The following FGF13 variants were observed in gnomAD, a reference collection of about 807,000 sequenced individuals.
FGF13 encodes fibroblast growth factor 13.
A neutral mutation model predicts 19.5 loss-of-function variants in FGF13; 2 were observed. The observed-to-expected ratio is 0.10, with a 90% confidence interval of 0.04 to 0.32. The LOEUF (loss-of-function observed/expected upper bound fraction) is 0.32, where lower values mean the gene tolerates loss of function less well. Ranked by LOEUF, FGF13 falls within the 10% of genes least tolerant of loss-of-function variation. FGF13 has a pLI of 1.00. For missense variants in FGF13, 113 were observed against 192.7 expected, an observed-to-expected ratio of 0.59 and a Z score of 2.45; for synonymous variants, 72 against 76.9, an observed-to-expected ratio of 0.94 and a Z score of 0.33.
At chrX:138,723,964 A>G (rs1279896764) in intron 1 of FGF13, among the ~76,000 whole-genome samples, 2 of 111,575 alleles carry the variant, frequency 1.8e-5, no homozygotes, top group Non-Finnish European at 3.8e-5. Context: ...AGGTAAGAAA[A>G]TTAAGGCCCA....
At chrX:139,079,147 T>A (rs1190349501) in intron 1 of FGF13, among the ~76,000 whole-genome samples, 1 of 111,612 alleles carries the variant, frequency 9.0e-6, no homozygotes, top group Non-Finnish European at 1.9e-5. Context: ...TTTATGTTGA[T>A]GAAATAGGCC....
intron 1 of FGF13, among the ~76,000 whole-genome samples, chrX:139,155,865 G>C (rs1175288162): frequency 8.9e-6 from 1 of 112,051 alleles, no homozygotes; most frequent in African/African-American, 3.3e-5. Context: ...TCTGGAACTT[G>C]TCCTCCCCAC....
intron 1 of FGF13, among the ~76,000 whole-genome samples, chrX:138,927,833 T>C (rs921552295): frequency 8.9e-6 from 1 of 111,897 alleles, no homozygotes; most frequent in Non-Finnish European, 1.9e-5. Context: ...GGGGTCTATA[T>C]AAATTGGAAC....
chrX:138,806,069 T>C (rs1381376972), intron 3 of FGF13, among the ~76,000 whole-genome samples: 1 of 112,059 alleles, frequency 8.9e-6, no homozygotes, highest in Non-Finnish European at 1.9e-5. Context: ...CCTTATATAA[T>C]AACATAGTTT....
intron 1 of FGF13, among the ~76,000 whole-genome samples, chrX:138,961,393 T>C (rs1474169100): frequency 1.8e-5 from 2 of 111,084 alleles, no homozygotes; most frequent in Admixed American, 1.9e-4. Context: ...GGTAGCTTTG[T>C]CTCTGAGGGG....
At chrX:139,035,605 G>A (rs1422711706) in intron 1 of FGF13, among the ~76,000 whole-genome samples, 1 of 111,456 alleles carries the variant, frequency 9.0e-6, no homozygotes, top group African/African-American at 3.3e-5. Flanking sequence ...CTTCTAAAGT[G>A]TATTTGGGAC....
At chrX:139,003,550 C>T (rs1046381159) in intron 1 of FGF13, among the ~76,000 whole-genome samples, 6 of 111,297 alleles carry the variant, frequency 5.4e-5, no homozygotes, top group Admixed American at 9.5e-5. Context: ...TTTAACAGGG[C>T]GCTGATTGGT....
chrX:138,821,550 T>A (rs1368263378), intron 3 of FGF13, among the ~76,000 whole-genome samples: 2 of 112,089 alleles, frequency 1.8e-5, no homozygotes, highest in African/African-American at 6.5e-5. Flanking sequence ...GAAGACTTCG[T>A]ATTTAGAAAG....
chrX:138,770,009 A>C (rs1039348562), intron 3 of FGF13, among the ~76,000 whole-genome samples: 6 of 112,291 alleles, frequency 5.3e-5, no homozygotes, highest in Non-Finnish European at 1.1e-4. Context: ...GATTTTAGAA[A>C]TGTATTATTC....
At chrX:138,890,120 G>A (rs2091469614) in intron 1 of FGF13, among the ~76,000 whole-genome samples, 1 of 110,538 alleles carries the variant, frequency 9.0e-6, no homozygotes, top group African/African-American at 3.3e-5. Context: ...GTAGAGATAT[G>A]GTTTCACCAT....
chrX:139,185,262 C>T (rs2084273917), intron 1 of FGF13, among the ~76,000 whole-genome samples: 1 of 112,201 alleles, frequency 8.9e-6, no homozygotes, highest in African/African-American at 3.2e-5. Flanking sequence ...GCTAGAAGTT[C>T]ATGTTACTTT....
intron 3 of FGF13, among the ~76,000 whole-genome samples, chrX:138,700,403 T>A (rs1250563676): frequency 8.9e-6 from 1 of 111,740 alleles, no homozygotes; most frequent in Non-Finnish European, 1.9e-5. Context: ...GGAAGAGTGA[T>A]CCTTCCTCTT....
At chrX:138,934,807 T>TAGTCA (rs1246218319) in intron 1 of FGF13, among the ~76,000 whole-genome samples, 34 of 111,769 alleles carry the variant, frequency 3.0e-4, no homozygotes, top group African/African-American at 8.5e-4. Flanking sequence ...CTTCTGGGAG[T>TAGTCA]TAAGCAAGGC....
At chrX:138,935,306 GA>G (rs762292100) in intron 1 of FGF13, among the ~76,000 whole-genome samples, 6 of 106,783 alleles carry the variant, frequency 5.6e-5, no homozygotes, top group Admixed American at 2.0e-4. Context: ...GGGAAAAAAT[GA>G]AAAAAAAAAT....
chrX:138,850,794 T>C (rs1258791179), intron 3 of FGF13, among the ~76,000 whole-genome samples: 3 of 112,311 alleles, frequency 2.7e-5, no homozygotes, highest in Admixed American at 1.9e-4. Flanking sequence ...CATAGGTAAA[T>C]GTGTGCCATG....
chrX:138,900,254 G>A (rs115380066), intron 1 of FGF13, among the ~76,000 whole-genome samples: 2 of 110,709 alleles, frequency 1.8e-5, no homozygotes, highest in East Asian at 5.7e-4. Context: ...CAGGGATCCA[G>A]ACAGGATCAT....
chrX:138,678,044 T>G (rs2089689965), intron 3 of FGF13, among the ~76,000 whole-genome samples: 1 of 111,451 alleles, frequency 9.0e-6, no homozygotes, highest in South Asian at 3.8e-4. Context: ...ATGGATGAAA[T>G]TAGAAATCAT....
At chrX:138,970,722 C>T (rs1228226539) in intron 1 of FGF13, among the ~76,000 whole-genome samples, 1 of 111,276 alleles carries the variant, frequency 9.0e-6, no homozygotes, top group Non-Finnish European at 1.9e-5. Context: ...TCTTCGTCTG[C>T]TTGAGTTTCC....
At chrX:139,052,731 G>C (rs2092306412) in intron 1 of FGF13, among the ~76,000 whole-genome samples, 1 of 112,127 alleles carries the variant, frequency 8.9e-6, no homozygotes, top group Non-Finnish European at 1.9e-5. Flanking sequence ...AGCATGTCTT[G>C]ACTGGCCTAC....
Sources: gnomAD v4.1 joint callset for allele counts (sites outside exome capture counted in the v4.1 genomes callset) on GRCh38, gnomAD v4.1.1 for gene constraint, MANE v1.5 for transcripts, NCBI Gene and HGNC (gene_info 2026-07-23, HGNC 2026-07-21) for gene names.